BPIFB1: variants seen among roughly 807,000 people sequenced by gnomAD.
BPIFB1 encodes the protein BPI fold containing family B member 1.
A neutral mutation model predicts 55.1 loss-of-function variants in BPIFB1; 34 were observed. The observed-to-expected ratio is 0.62, with a 90% confidence interval of 0.47 to 0.82. The LOEUF (loss-of-function observed/expected upper bound fraction) is 0.82. BPIFB1 is among the 40% of genes least tolerant of loss of function. The pLI, the probability that BPIFB1 is intolerant of heterozygous loss-of-function variation, is 0.00. For missense variants in BPIFB1, 532 were observed against 593.1 expected (o/e 0.90, Z 1.07); for synonymous variants, 236 against 245.3 (o/e 0.96, Z 0.35).
chr20:33,292,431 G>A (rs1980505223), intron 6 of BPIFB1, among the ~76,000 whole-genome samples: 1 of 152,164 alleles, frequency 6.6e-6, no homozygotes. Context: ...ATGATCTCAG[G>A]AGTAATAGAT....
At chr20:33,295,844 GGGAA>G (rs1600665506) in intron 6 of BPIFB1, among the ~76,000 whole-genome samples, 1 of 137,104 alleles carries the variant, frequency 7.3e-6, no homozygotes, top group East Asian at 2.1e-4. Flanking sequence ...GGAAGGGGAA[GGGAA>G]GGAAGGAAAG....
intron 15 of BPIFB1, among the ~76,000 whole-genome samples, chr20:33,308,790 T>A (rs945953706): frequency 2.4e-5 from 3 of 126,670 alleles, no homozygotes; most frequent in Non-Finnish European, 3.3e-5. Context: ...CACACACACA[T>A]AATACACACA....
chr20:33,304,102 C>T (rs569529950), intron 12 of BPIFB1, 77 bp downstream of exon 12: 3 of 1,363,416 alleles, frequency 2.2e-6, no homozygotes, highest in African/African-American at 2.9e-5. Flanking sequence ...TCTTTAAACA[C>T]CGACTTTGTG....
chr20:33,306,055 G>A lies in BPIFB1; in HGVS notation c.1308G>A (p.Pro436=), dbSNP rs755599659. The change falls in exon 14 of 16, where the codon CCG becomes CCA. Residue 436 remains proline, a synonymous_variant. Coordinates refer to ENST00000253354, the MANE Select transcript of BPIFB1 (RefSeq NM_033197.3). ...AGATCATCCACTCCATCCTGCTGCC[G>A]AACCAGAATGGTGCATACCTCTGCC... is the stretch of plus-strand genomic sequence containing the variant. ...ITEIIHSILL[P]NQNGKLRSGV... 2.3e-5 allele frequency: 37 copies of A among 1,613,922 alleles called. No homozygotes were observed. Among genetic ancestry groups the A allele is most frequent in the South Asian group, 6.6e-5 (6 of 91,064 alleles).
At chr20:33,284,560 T>C (rs973268400) in intron 1 of BPIFB1, among the ~76,000 whole-genome samples, 3 of 151,790 alleles carry the variant, frequency 2.0e-5, no homozygotes, top group African/African-American at 7.3e-5. Context: ...TCAGAAGAGC[T>C]CACACTGCTC....
intron 13 of BPIFB1, 47 bp from the exon 14 acceptor site, chr20:33,305,955 C>T: frequency 6.2e-7 from 1 of 1,603,492 alleles, no homozygotes; most frequent in South Asian, 1.1e-5. Context: ...TGGGGGGGAA[C>T]TTCAGATGCT....
intron 6 of BPIFB1, among the ~76,000 whole-genome samples, chr20:33,292,362 T>G (rs1980502381): frequency 6.6e-6 from 1 of 152,170 alleles, no homozygotes; most frequent in African/African-American, 2.4e-5. Context: ...CTGAACAGAG[T>G]TGGGAAAAGA....
chr20:33,301,248 T>A lies in BPIFB1; in HGVS notation c.763T>A (p.Ser255Thr). The A allele has an allele frequency of 6.2e-7, 1 of 1,614,142 alleles. No homozygotes were observed. The highest frequency in any genetic ancestry group is 2.2e-5 in the East Asian group (1 of 44,892). The change falls in exon 9 of 16, where the codon TCA (serine) becomes ACA (threonine). Residue 255 changes from serine (S) to threonine (T), a missense_variant. Ser to Thr is a moderately conservative substitution (Grantham distance 58). Transcript: ENST00000253354. ...QLYLGAKLLD[S>T]QGKVTKWFNN... ...GTCTCCTCAGGCCAAGTTGTTGGAC[T>A]CACAGGGAAAGGTGACCAAGTGGTT...
In BPIFB1 at chr20:33,290,034, C is replaced by T. The variant is rs762387736; in HGVS notation, c.365+42C>T. 3.5e-5 allele frequency: 51 copies of T among 1,476,996 alleles called. 1 individual carries two copies. The South Asian group carries it at 5.7e-4, about 16-fold the overall frequency. The allele number at this position is 1,476,996 out of a possible 1,614,324, so 91.5% of individuals were successfully genotyped here. ...TCAAGTACAGTAGGCTTGACAGGCT[C>T]ATCTGCTCGTTCCCCCTCCCCCGCC... On this transcript the variant is annotated intron_variant, in intron 4 of 15. Coordinates refer to ENST00000253354, the MANE Select transcript of BPIFB1 (RefSeq NM_033197.3).
At chr20:33,303,187 G>A (rs941849704) in intron 11 of BPIFB1, 113 bp downstream of exon 11, 45 of 1,326,858 alleles carry the variant, frequency 3.4e-5, no homozygotes, top group Non-Finnish European at 4.3e-5. Flanking sequence ...CACTTAGCAG[G>A]GACAGGGGAC....
intron 6 of BPIFB1, among the ~76,000 whole-genome samples, chr20:33,296,010 G>A (rs994533391): frequency 1.3e-5 from 2 of 152,010 alleles, no homozygotes; most frequent in African/African-American, 4.8e-5. Flanking sequence ...GGAAAATGTT[G>A]AAATCTTTTT....
At chr20:33,306,578 CT>C in intron 14 of BPIFB1, 2 of 348,302 alleles carry the variant, frequency 5.7e-6, no homozygotes, top group African/African-American at 2.1e-5. Flanking sequence ...ACAGTTCCAC[CT>C]TTTTAATTTC....
rs79548556 is a variant in BPIFB1 at position 33,290,890 on chromosome 20, G to C, written c.366-67G>C. The C allele has an allele frequency of 2.3e-4, 355 of 1,556,678 alleles. 3 individuals carry two copies. The East Asian group carries it at 7.7e-3, about 34-fold the overall frequency. On this transcript the variant is annotated intron_variant, in intron 4 of 15. Coordinates refer to ENST00000253354, the MANE Select transcript of BPIFB1 (RefSeq NM_033197.3). ...GAGGTGAGGGCTGGAAGACAGAGACGGACGGCAGGGTTGCTCCAGCCCGAG... is the reference window on the plus strand; with the variant it reads ...GAGGTGAGGGCTGGAAGACAGAGACCGACGGCAGGGTTGCTCCAGCCCGAG...
chr20:33,307,548 A>T (rs1295259092), intron 15 of BPIFB1: 1 of 156,524 alleles, frequency 6.4e-6, no homozygotes, highest in Non-Finnish European at 1.4e-5. Flanking sequence ...GTGAGGGGTG[A>T]GCCCTGTGGG....
chr20:33,304,980 A>G (rs1980976559), intron 13 of BPIFB1, 89 bp downstream of exon 13: 2 of 1,467,782 alleles, frequency 1.4e-6, no homozygotes, highest in Non-Finnish European at 1.9e-6. Context: ...ATTTGCTTCA[A>G]ACAAGGTCCC....
chr20:33,289,179 G>A (rs148372991), intron 3 of BPIFB1, among the ~76,000 whole-genome samples: 62 of 152,186 alleles, frequency 4.1e-4, no homozygotes, highest in African/African-American at 1.4e-3. Flanking sequence ...TTAGGAGTTC[G>A]AGACCAGCCT....
In BPIFB1 at chr20:33,303,039, A is replaced by C. The variant is rs1013144093; in HGVS notation, c.1105A>C (p.Ser369Arg). ...GATCGTGCTGGAAGTGTTTCCCTCC[A>C]GTGAAGCCCTCCGCCCTTTGTTCAC... is the stretch of plus-strand genomic sequence containing the variant. ...QLIVLEVFPS[S>R]EALRPLFTLG... The change falls in exon 11 of 16, where the codon AGT becomes CGT. Residue 369 changes from serine (S) to arginine (R), a missense_variant. Physicochemically the swap from Ser to Arg is moderately radical, Grantham distance 110. Coordinates refer to ENST00000253354, the MANE Select transcript of BPIFB1 (RefSeq NM_033197.3). 2.5e-6 allele frequency: 4 copies of C among 1,613,912 alleles called. No homozygotes were observed. In the African/African-American group the frequency reaches 5.3e-5, roughly 22 times the overall value.
intron 6 of BPIFB1, among the ~76,000 whole-genome samples, chr20:33,292,502 T>C (rs997958607): frequency 2.0e-5 from 3 of 152,246 alleles, no homozygotes; most frequent in Non-Finnish European, 2.9e-5. Flanking sequence ...ATTAAATTTG[T>C]TTTAATATAA....
chr20:33,302,707 G>A, intron 10 of BPIFB1: 2 of 650,816 alleles, frequency 3.1e-6, no homozygotes, highest in Non-Finnish European at 5.2e-6. Context: ...CTGAAGGGAA[G>A]GGCATTCCAG....
Sources: allele counts gnomAD v4.1 joint callset (sites outside exome capture counted in the v4.1 genomes callset), GRCh38; gene constraint gnomAD v4.1.1; transcripts MANE v1.5; gene names NCBI Gene and HGNC (gene_info 2026-07-23, HGNC 2026-07-21).